The following SLC38A10 variants were observed in gnomAD, a reference collection of about 807,000 sequenced individuals.
SLC38A10 encodes solute carrier family 38 member 10.
Under a neutral mutation model 81.0 loss-of-function variants are expected in SLC38A10, and 53 were observed. That is an observed-to-expected ratio of 0.65 (90% CI 0.53 to 0.82). The LOEUF is 0.82. Ranked by LOEUF, SLC38A10 falls within the 40% of genes least tolerant of loss-of-function variation. The pLI, the probability that SLC38A10 is intolerant of heterozygous loss-of-function variation, is 0.00. For missense variants in SLC38A10, 1,471 were observed against 1,545.0 expected (o/e 0.95, Z 0.80); for synonymous variants, 665 against 655.3 (o/e 1.01, Z -0.23).
At chr17:81,261,995 T>A (rs2063028484) in intron 10 of SLC38A10, among the ~76,000 whole-genome samples, 1 of 152,214 alleles carries the variant, frequency 6.6e-6, no homozygotes, top group Non-Finnish European at 1.5e-5. Context: ...CCATGTTACA[T>A]CTTCCTTGCA....
Position 81,288,322 on chromosome 17 carries a change from C to T in SLC38A10, c.217+1369G>A, listed in dbSNP as rs893637934. ...CACTCTGCCGCGGGAGCTGTGAGCCCGGGGGGCAGGATGGCCTTCTGCAGG... is the reference window on the plus strand; with the variant it reads ...CACTCTGCCGCGGGAGCTGTGAGCCTGGGGGGCAGGATGGCCTTCTGCAGG... On this transcript the variant is annotated intron_variant, in intron 2 of 15. Transcript: ENST00000374759. The surrounding 1 kb of genome is among the most constrained non-coding windows in gnomAD (Gnocchi z 5.4). Among the ~76,000 whole-genome samples, 3 of 152,200 alleles carry T rather than the reference C, an allele frequency of 2.0e-5. No homozygotes were observed. The highest frequency in any genetic ancestry group is 4.4e-5 in the Non-Finnish European group (3 of 68,044).
At chr17:81,259,296 G>C (rs1044699782) in intron 11 of SLC38A10, among the ~76,000 whole-genome samples, 1 of 152,244 alleles carries the variant, frequency 6.6e-6, no homozygotes, top group Non-Finnish European at 1.5e-5. Flanking sequence ...GGGGCTCCTC[G>C]GGTGGTGGGC....
At position 81,252,375 on chromosome 17, in the gene SLC38A10, C is replaced by G. The variant is rs1401916446; in HGVS notation, c.1765G>C (p.Val589Leu). 2.5e-6 allele frequency: 4 copies of G among 1,613,200 alleles called. No individual in the cohort carries two copies. Among genetic ancestry groups the G allele is most frequent in the South Asian group, 1.1e-5 (1 of 91,086 alleles). ...CCCAGGTCCTCCTTTGCAGGCTGGA[C>G]AGCTGGCTGACCATCTGCTTCTGGA... ...KVPEADGQPA[V>L]QPAKEDLGPG... The change falls in exon 13 of 16, where the codon GTC (valine) becomes CTC (leucine). Residue 589 changes from valine (V) to leucine (L), a missense_variant. Val to Leu is a conservative substitution (Grantham distance 32). This residue lies in a region of SLC38A10 where 720 missense variants were observed against 827.7 expected (regional missense o/e 0.87). Coordinates refer to ENST00000374759, the MANE Select transcript of SLC38A10 (RefSeq NM_001037984.3).
At chr17:81,248,887 G>A (rs1291200399) in intron 14 of SLC38A10, among the ~76,000 whole-genome samples, 3 of 152,220 alleles carry the variant, frequency 2.0e-5, no homozygotes, top group East Asian at 1.9e-4. Context: ...CTAGCACCCC[G>A]GGCCAGACGC....
chr17:81,295,095 A>G lies in SLC38A10; in HGVS notation c.-174T>C. ...GAGCAGGCGCGGGCGCGGGCCCCAG[A>G]GGCTGCCTGGAGGAGGCAGCCTCGA... On this transcript the variant is annotated 5_prime_UTR_variant, in exon 1 of 16. Coordinates refer to ENST00000374759, the MANE Select transcript of SLC38A10 (RefSeq NM_001037984.3). 1 of 1,205,066 alleles carries G rather than the reference A, an allele frequency of 8.3e-7. No individual in the cohort carries two copies. The highest frequency in any genetic ancestry group is 1.0e-6 in the Non-Finnish European group (1 of 957,412). 74.6% of individuals were successfully genotyped at this position (1,205,066 alleles called of 1,614,324 possible). A position where few individuals can be genotyped will look rare whatever the true frequency, so the allele number is the denominator to read the frequency against.
chr17:81,294,682 C>A, intron 1 of SLC38A10, 141 bp downstream of exon 1: 1 of 644,642 alleles, frequency 1.6e-6, no homozygotes. Context: ...CGCCGGGACC[C>A]AGAGGGTCGC....
intron 3 of SLC38A10, 130 bp downstream of exon 3, chr17:81,284,720 G>A: frequency 1.5e-6 from 1 of 664,714 alleles, no homozygotes; most frequent in Non-Finnish European, 2.4e-6. Flanking sequence ...GGACTTTCAT[G>A]TATTTAGCGA....
chr17:81,249,997 C>A, intron 14 of SLC38A10: 2 of 1,256,272 alleles, frequency 1.6e-6, no homozygotes, highest in Admixed American at 2.6e-5. Context: ...AGGTGTGCCA[C>A]CGAGGGGCTG....
chr17:81,252,934 A>T, intron 12 of SLC38A10, 139 bp downstream of exon 12: 2 of 1,238,026 alleles, frequency 1.6e-6, no homozygotes, highest in Non-Finnish European at 2.2e-6. Flanking sequence ...CAGAGAAAAC[A>T]AAAAGGACCA....
chr17:81,266,111 C>G (rs1002481779), intron 10 of SLC38A10, among the ~76,000 whole-genome samples: 5 of 152,236 alleles, frequency 3.3e-5, no homozygotes, highest in South Asian at 2.1e-4. Flanking sequence ...GACGCGCCAG[C>G]CACTCACACC....
At chr17:81,282,482 C>A in intron 4 of SLC38A10, 150 bp from the exon 5 acceptor site, 1 of 1,098,170 alleles carries the variant, frequency 9.1e-7, no homozygotes. Flanking sequence ...GGCACACTCG[C>A]CCGAAGCCGC....
chr17:81,274,125 A>T (rs1276729552), intron 8 of SLC38A10, among the ~76,000 whole-genome samples: 1 of 152,238 alleles, frequency 6.6e-6, no homozygotes, highest in African/African-American at 2.4e-5. Flanking sequence ...TCAAACACTG[A>T]AAGTTGGCCT....
chr17:81,295,076 G>A lies in SLC38A10; in HGVS notation c.-155C>T. 3 of 1,260,910 alleles carry A rather than the reference G, an allele frequency of 2.4e-6. No individual in the cohort carries two copies. Among genetic ancestry groups the A allele is most frequent in the Non-Finnish European group, 3.0e-6 (3 of 997,110 alleles). The allele number at this position is 1,260,910 out of a possible 1,614,324, so 78.1% of individuals were successfully genotyped here. A position where few individuals can be genotyped will look rare whatever the true frequency, so the allele number is the denominator to read the frequency against. ...AGCCTGAACACGGGAGCCTGAGCAG[G>A]CGCGGGCGCGGGCCCCAGAGGCTGC... is the stretch of plus-strand genomic sequence containing the variant. On this transcript the variant is annotated 5_prime_UTR_variant, in exon 1 of 16. Transcript: ENST00000374759.
Position 81,294,938 on chromosome 17 carries a change from G to A in SLC38A10, c.-17C>T, listed in dbSNP as rs747615721. On this transcript the variant is annotated 5_prime_UTR_variant, in exon 1 of 16. Transcript: ENST00000374759. ...CGCGGTCATAGTGAGAGGTCTAGGG[G>A]CCCGGGGCGAGAGGCCTCGGGGGTC... 192 of 1,571,100 alleles carry A rather than the reference G, an allele frequency of 1.2e-4. No individual in the cohort carries two copies. The highest frequency in any genetic ancestry group is 1.5e-4 in the Non-Finnish European group (178 of 1,161,398).
intron 14 of SLC38A10, chr17:81,247,615 C>G (rs2062864646): frequency 6.7e-6 from 1 of 149,698 alleles, no homozygotes; most frequent in African/African-American, 2.5e-5. Flanking sequence ...CGCTTGAGCC[C>G]AGGAGTTAGA....
chr17:81,260,046 C>G (rs950098311), intron 11 of SLC38A10, among the ~76,000 whole-genome samples, 192 bp downstream of exon 11: 3 of 152,222 alleles, frequency 2.0e-5, no homozygotes, highest in African/African-American at 7.2e-5. Context: ...TCCCTGCACA[C>G]AGGCAGCCAT....
intron 14 of SLC38A10, chr17:81,251,207 C>G (rs1418755223): frequency 6.5e-7 from 1 of 1,546,172 alleles, no homozygotes; most frequent in Non-Finnish European, 8.7e-7. Flanking sequence ...GACAATGCCG[C>G]AGGTGTTTTA....
rs2063248241 is a variant in SLC38A10, at chr17:81,284,810, C to T, written c.263+40G>A. 1.6e-5 allele frequency: 17 copies of T among 1,060,182 alleles called. No homozygotes were observed. The Admixed American group carries it at 2.2e-4, about 14-fold the overall frequency. The allele number at this position is 1,060,182 out of a possible 1,614,324, so 65.7% of individuals were successfully genotyped here. A position where few individuals can be genotyped will look rare whatever the true frequency, so the allele number is the denominator to read the frequency against. On this transcript the variant is annotated intron_variant, in intron 3 of 15. Coordinates refer to ENST00000374759, the MANE Select transcript of SLC38A10 (RefSeq NM_001037984.3). ...CGGGAGGGTCCCCAGTGTCTGGGTG[C>T]GGGGGTGGGGGGCAAGCGCAGCGGC...
At chr17:81,287,655 G>T (rs938199180) in intron 2 of SLC38A10, among the ~76,000 whole-genome samples, 1 of 152,334 alleles carries the variant, frequency 6.6e-6, no homozygotes. Flanking sequence ...GTCACCCCAT[G>T]CAGGTAAAGG....
Sources: allele counts gnomAD v4.1 joint callset (sites outside exome capture counted in the v4.1 genomes callset), GRCh38; gene constraint gnomAD v4.1.1; regional missense constraint gnomAD v4.1.1; non-coding constraint Gnocchi (gnomAD v3.1); transcripts MANE v1.5; gene names NCBI Gene and HGNC (gene_info 2026-07-23, HGNC 2026-07-21).